The following ARPP21 variants were observed in gnomAD, a reference collection of about 807,000 sequenced individuals.
ARPP21 encodes the protein cAMP-regulated phosphoprotein 21.
In ARPP21, 69 loss-of-function variants were observed where a neutral mutation model predicts 113.2. The ratio of observed to expected loss-of-function variants is 0.61; its 90% CI spans 0.50 to 0.74. The LOEUF (loss-of-function observed/expected upper bound fraction) is 0.74, where lower values mean the gene tolerates loss of function less well. ARPP21 is among the 30% of genes least tolerant of loss of function. ARPP21 has a pLI of 0.00. For synonymous variants in ARPP21, 368 were observed against 375.5 expected (o/e 0.98, Z 0.23); for missense variants, 1,070 against 1,037.4 (o/e 1.03, Z -0.43).
chr3:35,733,589 G>C (rs2094145314), intron 15 of ARPP21, among the ~76,000 whole-genome samples: 1 of 152,182 alleles, frequency 6.6e-6, no homozygotes, highest in Non-Finnish European at 1.5e-5. Context: ...CTAATTGCTT[G>C]TATTCAGTGT....
At position 35,762,126 on chromosome 3, in the gene ARPP21, T is replaced by TCTCA. The variant is rs1424526664; in HGVS notation, c.2137+18162_2137+18163insTCAC. On this transcript the variant is annotated intron_variant, in intron 19 of 20. Transcript: ENST00000684406. ...CTCTCTCTCTCTCTCTCTCTCTCTC[T>TCTCA]CACACACACACACACACACACACAC... Among the ~76,000 whole-genome samples, 436 of 127,020 alleles carry TCTCA rather than the reference T, an allele frequency of 3.4e-3. 2 individuals are homozygous for TCTCA. The highest frequency in any genetic ancestry group is 6.5e-3 in the African/African-American group (234 of 36,228). The allele number at this position is 127,020 out of a possible 152,430, so 83.3% of individuals were successfully genotyped here.
At chr3:35,744,448 T>A (rs1430433529) in intron 19 of ARPP21, 1 of 525,146 alleles carries the variant, frequency 1.9e-6, no homozygotes, top group Admixed American at 2.0e-5. Flanking sequence ...GATGGCCACA[T>A]GCCTCCTGCC....
intron 14 of ARPP21, among the ~76,000 whole-genome samples, chr3:35,727,401 CA>C (rs1482366536): frequency 2.6e-5 from 4 of 152,184 alleles, no homozygotes; most frequent in African/African-American, 9.7e-5. Flanking sequence ...TATTAGTCAT[CA>C]TTTAAGTGTT....
chr3:35,756,844 A>G (rs546191528), intron 19 of ARPP21, among the ~76,000 whole-genome samples: 248 of 152,278 alleles, frequency 1.6e-3, no homozygotes, highest in Middle Eastern at 3.4e-3. Flanking sequence ...CACCTTGCAG[A>G]ATGCAGGATA....
chr3:35,739,669 C>T lies in ARPP21; in HGVS notation c.2010+92C>T, dbSNP rs557549555. ...TATGTAGAAAATAACCAGATTCACT[C>T]CCTCTTCCCTTTCTAGTCTATATTA... On this transcript the variant is annotated intron_variant, in intron 18 of 20. Coordinates refer to ENST00000684406, the MANE Select transcript of ARPP21 (RefSeq NM_001385562.1). 8.2e-5 allele frequency: 119 copies of T among 1,442,778 alleles called. No homozygotes were observed. In the East Asian group the frequency reaches 2.6e-3, roughly 31 times the overall value. The allele number at this position is 1,442,778 out of a possible 1,614,324, so 89.4% of individuals were successfully genotyped here. A position where few individuals can be genotyped will look rare whatever the true frequency, so the allele number is the denominator to read the frequency against.
At chr3:35,791,185 T>G (rs1254617174) in intron 19 of ARPP21, among the ~76,000 whole-genome samples, 1 of 152,240 alleles carries the variant, frequency 6.6e-6, no homozygotes, top group African/African-American at 2.4e-5. Flanking sequence ...GGTCCTTCTT[T>G]AATATAAAGA....
intron 1 of ARPP21, among the ~76,000 whole-genome samples, chr3:35,665,518 T>C (rs1436613997): frequency 6.6e-6 from 1 of 152,196 alleles, no homozygotes; most frequent in Non-Finnish European, 1.5e-5. Flanking sequence ...AGTTCTACAT[T>C]GAAGTAGTTA....
intron 19 of ARPP21, among the ~76,000 whole-genome samples, chr3:35,745,009 T>G (rs1023249684): frequency 2.0e-5 from 3 of 152,192 alleles, no homozygotes; most frequent in Non-Finnish European, 4.4e-5. Context: ...TGGTTACATG[T>G]TCTTTGGTTT....
intron 19 of ARPP21, among the ~76,000 whole-genome samples, chr3:35,753,710 G>A (rs905587304): frequency 2.0e-4 from 30 of 152,042 alleles, no homozygotes; most frequent in African/African-American, 6.3e-4. Context: ...AAATAGTAAC[G>A]TGTTTAGTTT....
intron 1 of ARPP21, among the ~76,000 whole-genome samples, chr3:35,667,614 T>C (rs1218073379): frequency 6.6e-6 from 1 of 152,082 alleles, no homozygotes; most frequent in Non-Finnish European, 1.5e-5. Flanking sequence ...TTCAATCACT[T>C]CTTAATATAT....
At chr3:35,770,131 A>G (rs1440815993) in intron 19 of ARPP21, among the ~76,000 whole-genome samples, 2 of 152,322 alleles carry the variant, frequency 1.3e-5, no homozygotes, top group Middle Eastern at 3.4e-3. Flanking sequence ...AACATTTTTT[A>G]TATTCCCTGG....
chr3:35,740,419 T>C (rs1283307304), intron 18 of ARPP21, among the ~76,000 whole-genome samples: 2 of 152,254 alleles, frequency 1.3e-5, no homozygotes, highest in East Asian at 3.8e-4. Flanking sequence ...CTTCGTATCA[T>C]TTGTTTCACT....
At chr3:35,722,991 A>G (rs1285698079) in intron 14 of ARPP21, among the ~76,000 whole-genome samples, 2 of 152,216 alleles carry the variant, frequency 1.3e-5, no homozygotes, top group African/African-American at 2.4e-5. Context: ...GTTCTGCCTT[A>G]GAAAATCAAA....
intron 10 of ARPP21, chr3:35,707,567 A>G: frequency 2.2e-6 from 1 of 456,678 alleles, no homozygotes; most frequent in East Asian, 6.9e-5. Flanking sequence ...TTTTGCAACT[A>G]TCCTAAAATA....
rs926770386 is a variant in ARPP21, at chr3:35,720,421, A to G, written c.996-1184A>G. On this transcript the variant is annotated intron_variant, in intron 13 of 20. Coordinates refer to ENST00000684406, the MANE Select transcript of ARPP21 (RefSeq NM_001385562.1). The stretch of plus-strand genomic sequence containing the variant: ...TACAATTTTGTCGGTGAGTATTTCA[A>G]TCACATAGTGCACTTCAAACATCTC... 3.3e-5 allele frequency among the ~76,000 whole-genome samples: 5 copies of G among 152,242 alleles called. No individual in the cohort carries two copies. The South Asian group carries it at 1.0e-3, about 31-fold the overall frequency.
chr3:35,721,933 G>T (rs2093114893), intron 14 of ARPP21, 99 bp downstream of exon 14: 1 of 720,592 alleles, frequency 1.4e-6, no homozygotes, highest in South Asian at 2.1e-5. Context: ...GACTGATAAT[G>T]ATGATATTAA....
chr3:35,777,259 T>C (rs2096400010), intron 19 of ARPP21, among the ~76,000 whole-genome samples: 1 of 152,214 alleles, frequency 6.6e-6, no homozygotes, highest in African/African-American at 2.4e-5. Context: ...TGGTAACTAC[T>C]ACACAGTAAA....
intron 10 of ARPP21, chr3:35,707,401 C>A (rs577821803): frequency 8.9e-5 from 47 of 525,766 alleles, no homozygotes; most frequent in Non-Finnish European, 1.4e-4. Flanking sequence ...CTTTGTCAGT[C>A]GCATATCCAG....
chr3:35,700,155 A>G (rs1432331850), intron 9 of ARPP21, among the ~76,000 whole-genome samples: 1 of 151,774 alleles, frequency 6.6e-6, no homozygotes, highest in African/African-American at 2.4e-5. Flanking sequence ...CCTCCCAAGC[A>G]AGTTAAGTAT....
Sources: gnomAD v4.1 joint callset for allele counts (sites outside exome capture counted in the v4.1 genomes callset) on GRCh38, gnomAD v4.1.1 for gene constraint, MANE v1.5 for transcripts, NCBI Gene and HGNC (gene_info 2026-07-23, HGNC 2026-07-21) for gene names.